Variants in LSAMP observed in about 807,000 individuals in gnomAD.
LSAMP encodes limbic system associated membrane protein, also known as limbic system-associated membrane protein.
Under a neutral mutation model 38.6 loss-of-function variants are expected in LSAMP, and 7 were observed. The observed-to-expected ratio is 0.18, with a 90% CI of 0.10 to 0.34. The LOEUF (loss-of-function observed/expected upper bound fraction) is 0.34. Ranked by LOEUF, LSAMP falls within the 10% of genes least tolerant of loss-of-function variation. The pLI is 1.00. For missense variants in LSAMP, 313 were observed against 420.0 expected, an observed-to-expected ratio of 0.75 and a Z score of 2.23; for synonymous variants, 154 against 166.8, an observed-to-expected ratio of 0.92 and a Z score of 0.59.
chr3:116,379,045 A>G (rs926699957), intron 1 of LSAMP, among the ~76,000 whole-genome samples: 1 of 149,912 alleles, frequency 6.7e-6, no homozygotes, highest in African/African-American at 2.5e-5. Context: ...GAGTCCTACC[A>G]TGACAAATTG....
At chr3:115,859,532 C>T (rs916121879) in intron 3 of LSAMP, among the ~76,000 whole-genome samples, 9 of 152,132 alleles carry the variant, frequency 5.9e-5, no homozygotes, top group African/African-American at 9.7e-5. Flanking sequence ...AGAAATGTTC[C>T]CTATTTGAAT....
intron 2 of LSAMP, among the ~76,000 whole-genome samples, chr3:116,080,045 TGAA>T (rs1353885589): frequency 1.3e-5 from 2 of 152,176 alleles, no homozygotes; most frequent in East Asian, 1.9e-4. Context: ...AGATCATGTG[TGAA>T]TAGCCACATA....
chr3:116,156,398 T>C (rs908020306), intron 1 of LSAMP, among the ~76,000 whole-genome samples: 1 of 152,142 alleles, frequency 6.6e-6, no homozygotes, highest in African/African-American at 2.4e-5. Flanking sequence ...TGAACACTTA[T>C]TGATACATAT....
intron 1 of LSAMP, among the ~76,000 whole-genome samples, chr3:116,442,477 G>A (rs2049448352): frequency 6.6e-6 from 1 of 151,946 alleles, no homozygotes; most frequent in Non-Finnish European, 1.5e-5. Context: ...CCTTTCCCAG[G>A]CTGGCCTTAT....
intron 2 of LSAMP, among the ~76,000 whole-genome samples, chr3:116,044,242 T>A (rs541628824): frequency 2.0e-5 from 3 of 152,342 alleles, no homozygotes; most frequent in Non-Finnish European, 2.9e-5. Flanking sequence ...TAAATTGATG[T>A]ATCAAAATTT....
rs2049497121 is a variant in LSAMP at position 116,445,347 on chromosome 3, C to G, written c.-316G>C. The G allele has an allele frequency of 7.5e-6, 4 of 535,390 alleles. No individual in the cohort carries two copies. The Admixed American group carries it at 1.4e-4, about 19-fold the overall frequency. The allele number at this position is 535,390 out of a possible 1,614,324, so 33.2% of individuals were successfully genotyped here. On this transcript the variant is annotated 5_prime_UTR_variant, in exon 1 of 7. Coordinates refer to ENST00000490035, the MANE Select transcript of LSAMP (RefSeq NM_002338.5). Reference sequence around the variant, plus strand: ...CCAAAGGAAAGGGTTCTTGTTTGGTCTCTCTGTGACTGGATGCTCCTCTGC... The same window carrying G: ...CCAAAGGAAAGGGTTCTTGTTTGGTGTCTCTGTGACTGGATGCTCCTCTGC...
intron 1 of LSAMP, among the ~76,000 whole-genome samples, chr3:116,221,300 A>T (rs2107616924): frequency 6.6e-6 from 1 of 152,312 alleles, no homozygotes; most frequent in African/African-American, 2.4e-5. Flanking sequence ...TTTTGTATAC[A>T]AGAAAATTGA....
intron 1 of LSAMP, among the ~76,000 whole-genome samples, chr3:116,260,578 T>C (rs1475691099): frequency 6.6e-6 from 1 of 152,186 alleles, no homozygotes; most frequent in Non-Finnish European, 1.5e-5. Context: ...GACCACGGCA[T>C]AATCTTCTAG....
intron 1 of LSAMP, among the ~76,000 whole-genome samples, chr3:116,231,737 A>G (rs568496871): frequency 6.6e-6 from 1 of 152,306 alleles, no homozygotes; most frequent in Non-Finnish European, 1.5e-5. Context: ...ATGAGTAATG[A>G]CTTCACGGAG....
chr3:115,842,027 C>T, intron 5 of LSAMP, 34 bp from the exon 6 acceptor site: 10 of 1,584,214 alleles, frequency 6.3e-6, no homozygotes, highest in Non-Finnish European at 8.6e-6. Context: ...TAGAAAGGAT[C>T]ACTGGTGAAG....
At chr3:116,137,899 C>G (rs970479494) in intron 1 of LSAMP, among the ~76,000 whole-genome samples, 6 of 152,104 alleles carry the variant, frequency 3.9e-5, no homozygotes, top group African/African-American at 1.4e-4. Context: ...TCCTCTCTGC[C>G]CATTTCACTT....
At chr3:116,401,474 G>C (rs924803609) in intron 1 of LSAMP, among the ~76,000 whole-genome samples, 4 of 152,130 alleles carry the variant, frequency 2.6e-5, no homozygotes, top group African/African-American at 4.8e-5. Flanking sequence ...TAGAGACAGG[G>C]TTTCACCATG....
At chr3:116,385,589 C>T (rs2048615876) in intron 1 of LSAMP, among the ~76,000 whole-genome samples, 1 of 152,052 alleles carries the variant, frequency 6.6e-6, no homozygotes, top group Non-Finnish European at 1.5e-5. Context: ...TGCATCTTTG[C>T]AAATTTAAGG....
intron 1 of LSAMP, among the ~76,000 whole-genome samples, chr3:116,304,295 C>A (rs12695325): frequency 2.0e-5 from 3 of 151,876 alleles, no homozygotes; most frequent in South Asian, 2.1e-4. Context: ...TATAGAGAGG[C>A]GGAAATATGT....
intron 3 of LSAMP, among the ~76,000 whole-genome samples, chr3:115,854,757 C>G (rs891049780): frequency 1.3e-5 from 2 of 152,128 alleles, no homozygotes; most frequent in Non-Finnish European, 2.9e-5. Flanking sequence ...GTCATGCCAA[C>G]TATTTGATGC....
intron 1 of LSAMP, among the ~76,000 whole-genome samples, chr3:116,335,755 A>G (rs1042643405): frequency 2.0e-5 from 3 of 152,086 alleles, no homozygotes; most frequent in African/African-American, 7.2e-5. Flanking sequence ...ACATTAGCTT[A>G]AAGTTGGGCA....
At chr3:116,098,632 T>C (rs914054961) in intron 1 of LSAMP, among the ~76,000 whole-genome samples, 8 of 152,312 alleles carry the variant, frequency 5.3e-5, no homozygotes, top group Admixed American at 2.6e-4. Flanking sequence ...TCACCTCCTA[T>C]TTTTTTCTAT....
Position 116,388,905 on chromosome 3 carries a change from G to A in LSAMP, c.155+55972C>T, listed in dbSNP as rs546376695. On this transcript the variant is annotated intron_variant, in intron 1 of 6. Coordinates refer to ENST00000490035, the MANE Select transcript of LSAMP (RefSeq NM_002338.5). The stretch of plus-strand genomic sequence containing the variant: ...AAAAAGCAACAAAAACAACAAAAAC[G>A]ACAAGAACAAAGAAAAAGATGAGCC... Among the ~76,000 whole-genome samples, 5 of 152,182 alleles carry A rather than the reference G, an allele frequency of 3.3e-5. No homozygotes were observed. The East Asian group carries it at 9.7e-4, about 29-fold the overall frequency.
intron 1 of LSAMP, among the ~76,000 whole-genome samples, chr3:116,378,980 T>G (rs961310665): frequency 2.9e-5 from 4 of 137,366 alleles, no homozygotes; most frequent in African/African-American, 1.1e-4. Context: ...CTATTGGTAA[T>G]TGCTCAGAAC....
Sources: allele counts gnomAD v4.1 joint callset (sites outside exome capture counted in the v4.1 genomes callset), GRCh38; gene constraint gnomAD v4.1.1; transcripts MANE v1.5; gene names NCBI Gene and HGNC (gene_info 2026-07-23, HGNC 2026-07-21).